The following SND1 variants were observed in gnomAD, a reference collection of about 807,000 sequenced individuals.
SND1 encodes the protein staphylococcal nuclease and tudor domain containing 1.
SND1 carries 38 observed loss-of-function variants against 121.7 expected under a neutral mutation model. That is an observed-to-expected ratio of 0.31 (90% CI 0.24 to 0.41). The LOEUF (loss-of-function observed/expected upper bound fraction) is 0.41. SND1 is among the 10% of genes least tolerant of loss of function. The probability of loss-of-function intolerance (pLI) is 1.00; values close to 1 mark genes in which losing one functional copy is unlikely to be tolerated. For missense variants in SND1, 868 were observed against 1,184.6 expected (o/e 0.73, Z 3.92); for synonymous variants, 401 against 447.4 (o/e 0.90, Z 1.31).
At chr7:127,667,273 AGT>A (rs1268464106) in intron 1 of SND1, among the ~76,000 whole-genome samples, 1 of 152,208 alleles carries the variant, frequency 6.6e-6, no homozygotes, top group Non-Finnish European at 1.5e-5. Context: ...TTTAGGGAAA[AGT>A]GTGCATGACT....
At chr7:127,769,396 A>C (rs763001961) in intron 10 of SND1, among the ~76,000 whole-genome samples, 3 of 152,130 alleles carry the variant, frequency 2.0e-5, no homozygotes, top group Non-Finnish European at 2.9e-5. Context: ...AGCCCTGTTG[A>C]ATTCTTTGTG....
chr7:128,012,799 G>C (rs1244794837), intron 16 of SND1, among the ~76,000 whole-genome samples: 2 of 152,126 alleles, frequency 1.3e-5, no homozygotes, highest in East Asian at 1.9e-4. Context: ...TAGGCTGCTA[G>C]TTCTTCTTTC....
At chr7:127,843,666 A>G (rs1799005599) in intron 11 of SND1, among the ~76,000 whole-genome samples, 1 of 152,186 alleles carries the variant, frequency 6.6e-6, no homozygotes, top group African/African-American at 2.4e-5. Flanking sequence ...TTCCTTCCAC[A>G]TTTTGACAGT....
chr7:127,907,970 G>C (rs746822123), intron 14 of SND1, among the ~76,000 whole-genome samples: 2 of 152,138 alleles, frequency 1.3e-5, no homozygotes, highest in Non-Finnish European at 2.9e-5. Context: ...GGAGTGTGAG[G>C]TTTATGGCTT....
chr7:127,950,572 A>T (rs1801439458), intron 15 of SND1, among the ~76,000 whole-genome samples: 1 of 152,224 alleles, frequency 6.6e-6, no homozygotes, highest in Non-Finnish European at 1.5e-5. Flanking sequence ...TTTAGGGCAT[A>T]TCCTTGAACC....
At position 128,041,375 on chromosome 7, in the gene SND1, A is replaced by C. The variant is rs1276689412; in HGVS notation, c.1780-33127A>C. Among the ~76,000 whole-genome samples, 7 of 152,282 alleles carry C rather than the reference A, an allele frequency of 4.6e-5. No homozygotes were observed. In the East Asian group the frequency reaches 1.4e-3, roughly 29 times the overall value. On this transcript the variant is annotated intron_variant, in intron 16 of 23. Coordinates refer to ENST00000354725, the MANE Select transcript of SND1 (RefSeq NM_014390.4). ...CGCCCACACCACTGGCTATCCCATGAGTCATCAAACAACCAATGGGTGAAT... is the reference window on the plus strand; with the variant it reads ...CGCCCACACCACTGGCTATCCCATGCGTCATCAAACAACCAATGGGTGAAT...
intron 14 of SND1, among the ~76,000 whole-genome samples, chr7:127,914,297 A>T (rs1800522332): frequency 6.6e-6 from 1 of 152,132 alleles, no homozygotes; most frequent in African/African-American, 2.4e-5. Flanking sequence ...CTTCATTGTT[A>T]ATTAGCATTT....
chr7:127,697,408 T>C (rs1796023955), intron 3 of SND1, among the ~76,000 whole-genome samples: 1 of 152,218 alleles, frequency 6.6e-6, no homozygotes, highest in Non-Finnish European at 1.5e-5. Flanking sequence ...GTCTGACTTA[T>C]CGGGTGTGCT....
At chr7:127,698,514 A>G (rs1347653592) in intron 3 of SND1, among the ~76,000 whole-genome samples, 2 of 152,190 alleles carry the variant, frequency 1.3e-5, no homozygotes, top group Non-Finnish European at 2.9e-5. Context: ...ATTTGTGTTC[A>G]GCTCCAGGCT....
intron 1 of SND1, among the ~76,000 whole-genome samples, chr7:127,683,340 C>T (rs1346743461): frequency 3.3e-5 from 5 of 152,146 alleles, no homozygotes; most frequent in African/African-American, 1.2e-4. Context: ...CTCAGCCTCC[C>T]AAGTAGCTGG....
chr7:128,060,816 C>A (rs1256236754), intron 16 of SND1, among the ~76,000 whole-genome samples: 5 of 152,152 alleles, frequency 3.3e-5, no homozygotes, highest in Admixed American at 3.3e-4. Context: ...GGGTGGGGTC[C>A]ATTTTCTTCC....
chr7:127,876,821 C>T (rs1398972201), intron 12 of SND1, among the ~76,000 whole-genome samples: 1 of 152,112 alleles, frequency 6.6e-6, no homozygotes, highest in Non-Finnish European at 1.5e-5. Context: ...AGGAGTGTCA[C>T]TTTGGGGACA....
intron 2 of SND1, among the ~76,000 whole-genome samples, chr7:127,692,172 T>C (rs1795931414): frequency 6.6e-6 from 1 of 152,202 alleles, no homozygotes; most frequent in Admixed American, 6.5e-5. Context: ...GGTTTCATCT[T>C]GTCCTGGTAG....
intron 16 of SND1, chr7:128,032,229 C>T (rs1215202615): frequency 6.7e-6 from 1 of 149,326 alleles, no homozygotes; most frequent in Non-Finnish European, 1.5e-5. Context: ...AGCGCCGCGC[C>T]GGCCGGCGCC....
intron 7 of SND1, among the ~76,000 whole-genome samples, chr7:127,703,703 C>G (rs986094236): frequency 3.3e-5 from 5 of 152,224 alleles, no homozygotes; most frequent in Admixed American, 3.3e-4. Flanking sequence ...CAGAGCAAGA[C>G]TCTGTCTCAA....
In SND1 at chr7:127,863,000, CAT is replaced by C. The variant is rs562882049; in HGVS notation, c.1343+18580_1343+18581del. On this transcript the variant is annotated intron_variant, in intron 12 of 23. Transcript: ENST00000354725. ...TTTGATTTTTTTCTTCTAATAAAGT[CAT>C]ATAATTTTTTAGTAGAAAGACATCG... Among the ~76,000 whole-genome samples the C allele has an allele frequency of 7.9e-5, 12 of 152,262 alleles. No homozygotes were observed. In the South Asian group the frequency reaches 2.3e-3, roughly 29 times the overall value.
At chr7:128,012,916 G>C (rs1803146553) in intron 16 of SND1, among the ~76,000 whole-genome samples, 1 of 152,144 alleles carries the variant, frequency 6.6e-6, no homozygotes, top group African/African-American at 2.4e-5. Context: ...AGGTCACTCA[G>C]CCAGCCCAAA....
At chr7:127,709,723 CA>C (rs1443550550) in intron 9 of SND1, among the ~76,000 whole-genome samples, 2 of 151,928 alleles carry the variant, frequency 1.3e-5, no homozygotes, top group East Asian at 3.9e-4. Context: ...ATTACAGTGC[CA>C]AAGTAGAGGA....
intron 10 of SND1, among the ~76,000 whole-genome samples, chr7:127,783,066 A>G (rs1455231167): frequency 6.6e-6 from 1 of 152,220 alleles, no homozygotes; most frequent in South Asian, 2.1e-4. Flanking sequence ...TTGGGGACAG[A>G]TATCAATTCT....
Sources: gnomAD v4.1 joint callset for allele counts (sites outside exome capture counted in the v4.1 genomes callset) on GRCh38, gnomAD v4.1.1 for gene constraint, MANE v1.5 for transcripts, NCBI Gene and HGNC (gene_info 2026-07-23, HGNC 2026-07-21) for gene names.